The following DDX50 variants were observed in gnomAD, a reference collection of about 807,000 sequenced individuals.
DDX50 encodes the protein DExD-box helicase 50.
Under a neutral mutation model 94.8 loss-of-function variants are expected in DDX50, and 56 were observed. That is an observed-to-expected ratio of 0.59 (90% CI 0.48 to 0.74). DDX50 has a LOEUF of 0.74. DDX50 is among the 30% of genes least tolerant of loss of function. The pLI, the probability that DDX50 is intolerant of heterozygous loss-of-function variation, is 0.00. For synonymous variants in DDX50, 264 were observed against 295.4 expected, an observed-to-expected ratio of 0.89 and a Z score of 1.09; for missense variants, 713 against 881.2, an observed-to-expected ratio of 0.81 and a Z score of 2.42.
chr10:68,945,164 T>A (rs1564620356), intron 14 of DDX50, among the ~76,000 whole-genome samples: 1 of 152,234 alleles, frequency 6.6e-6, no homozygotes, highest in Non-Finnish European at 1.5e-5. Flanking sequence ...TAAATGTGAT[T>A]GCTTGGCCAA....
intron 8 of DDX50, among the ~76,000 whole-genome samples, chr10:68,933,016 A>G (rs1222746474): frequency 1.3e-5 from 2 of 152,042 alleles, no homozygotes; most frequent in Non-Finnish European, 2.9e-5. Flanking sequence ...TGAGGCATCC[A>G]GAGATACAAG....
rs995119368 is a variant in DDX50 at position 68,913,151 on chromosome 10, C to G, written c.640-11C>G. The G allele has an allele frequency of 6.3e-7, 1 of 1,584,302 alleles. No homozygotes were observed. The highest frequency in any genetic ancestry group is 8.5e-7 in the Non-Finnish European group (1 of 1,171,018). The stretch of plus-strand genomic sequence containing the variant: ...AAAAGTATCTTTTTGTTTTTTAAAC[C>G]TCTTGCTCAGGTACTTGTTTTGGCT... On this transcript the variant is annotated splice_polypyrimidine_tract_variant and intron_variant, in intron 4 of 14. Transcript: ENST00000373585.
At chr10:68,925,754 C>T (rs1364603629) in intron 8 of DDX50, among the ~76,000 whole-genome samples, 1 of 152,102 alleles carries the variant, frequency 6.6e-6, no homozygotes, top group Non-Finnish European at 1.5e-5. Context: ...TGGCTCACGC[C>T]TGTAATCCTA....
rs540186957 is a variant in DDX50, at chr10:68,909,146, A to AT, written c.385-1153dup. Reference sequence around the variant, plus strand: ...TGGCCGACAGTGTATTATTTTTATAATTTTTTTTATCATAAAAAGGTAACA... The same window carrying AT: ...TGGCCGACAGTGTATTATTTTTATAATTTTTTTTTATCATAAAAAGGTAACA... On this transcript the variant is annotated intron_variant, in intron 2 of 14. Coordinates refer to ENST00000373585, the MANE Select transcript of DDX50 (RefSeq NM_024045.2). 5.7e-4 allele frequency among the ~76,000 whole-genome samples: 86 copies of AT among 151,988 alleles called. No homozygotes were observed. The East Asian group carries it at 0.014, about 24-fold the overall frequency.
intron 8 of DDX50, among the ~76,000 whole-genome samples, chr10:68,923,835 T>C (rs1842005742): frequency 6.6e-6 from 1 of 151,472 alleles, no homozygotes; most frequent in Admixed American, 6.6e-5. Flanking sequence ...TGAGCCACCA[T>C]ACCCGGCCAT....
intron 12 of DDX50, among the ~76,000 whole-genome samples, chr10:68,940,640 A>AGTCCTGGGCTCAAGTGACC (rs1378090736): frequency 6.6e-6 from 1 of 151,036 alleles, no homozygotes; most frequent in Admixed American, 6.6e-5. Flanking sequence ...CTGGTCTCAA[A>AGTCCTGGGCTCAAGTGACC]CTCCTGGGCT....
At chr10:68,927,327 T>A (rs1842118983) in intron 8 of DDX50, among the ~76,000 whole-genome samples, 1 of 152,250 alleles carries the variant, frequency 6.6e-6, no homozygotes, top group Non-Finnish European at 1.5e-5. Context: ...TAACTTGGGT[T>A]ATATGATAAC....
chr10:68,927,369 T>C (rs901857789), intron 8 of DDX50, among the ~76,000 whole-genome samples: 13 of 152,234 alleles, frequency 8.5e-5, no homozygotes, highest in Non-Finnish European at 7.3e-5. Flanking sequence ...TTGGCTAACC[T>C]TTCCCAGTTT....
In DDX50 at chr10:68,913,445, A is replaced by G. The variant is rs1841692216; in HGVS notation, c.812A>G (p.Lys271Arg). 1 of 1,614,074 alleles carries G rather than the reference A, an allele frequency of 6.2e-7. No individual in the cohort carries two copies. The highest frequency in any genetic ancestry group is 8.5e-7 in the Non-Finnish European group (1 of 1,180,030). The change falls in exon 6 of 15, where the codon AAA (lysine) becomes AGA (arginine). Residue 271 changes from lysine (K) to arginine (R), a missense_variant. Physicochemically the swap from Lys to Arg is conservative, Grantham distance 26 (BLOSUM62 2). Transcript: ENST00000373585. ...DILVGTPGRI[K>R]DHLQSGRLDL... The stretch of plus-strand genomic sequence containing the variant: ...TTGGTTGGAACACCTGGTCGTATCA[A>G]AGACCATCTGCAGAGTGGCCGATTG...
intron 8 of DDX50, among the ~76,000 whole-genome samples, chr10:68,932,556 G>A (rs1842300501): frequency 6.6e-6 from 1 of 152,120 alleles, no homozygotes. Context: ...CACTGAGCCT[G>A]GCCTGATCAT....
chr10:68,922,245 G>T (rs1464877067), intron 8 of DDX50, among the ~76,000 whole-genome samples: 1 of 151,898 alleles, frequency 6.6e-6, no homozygotes, highest in Non-Finnish European at 1.5e-5. Flanking sequence ...GAGTGCAGTG[G>T]CTATTCACAG....
Position 68,941,097 on chromosome 10 carries a change from T to C in DDX50, c.1793T>C (p.Ile598Thr). ...ATGACTCTGGAAAGCCTAGAGGAAA[T>C]ACAGGATGTCAGCTGTGCTTGGAAA... ...VTMTLESLEE[I>T]QDVSCAWKEL... The change falls in exon 13 of 15, where the codon ATA becomes ACA. Residue 598 changes from isoleucine (I) to threonine (T), a missense_variant. Ile to Thr is a moderately conservative substitution (Grantham distance 89, BLOSUM62 -1). Transcript: ENST00000373585. 1 of 1,612,264 alleles carries C rather than the reference T, an allele frequency of 6.2e-7. No homozygotes were observed. Among genetic ancestry groups the C allele is most frequent in the Non-Finnish European group, 8.5e-7 (1 of 1,179,908 alleles).
chr10:68,941,801 A>C (rs1415632546), intron 13 of DDX50, among the ~76,000 whole-genome samples: 1 of 151,908 alleles, frequency 6.6e-6, no homozygotes, highest in African/African-American at 2.4e-5. Context: ...CACTATGCCC[A>C]GCTAATTTTT....
chr10:68,914,834 C>T (rs1841734822), intron 7 of DDX50, among the ~76,000 whole-genome samples: 1 of 150,720 alleles, frequency 6.6e-6, no homozygotes, highest in South Asian at 2.1e-4. Context: ...CCAGCCTGGC[C>T]AATATGGTGA....
Position 68,946,681 on chromosome 10 carries a change from A to C in DDX50, c.*51A>C. 1 of 1,567,294 alleles carries C rather than the reference A, an allele frequency of 6.4e-7. No individual in the cohort carries two copies. The highest frequency in any genetic ancestry group is 1.3e-5 in the African/African-American group (1 of 74,136). ...TGAGCTTGCCTATTTCTGCCTAATCATGTACATTATCCACCAAAAATTAGG... is the reference window on the plus strand; with the variant it reads ...TGAGCTTGCCTATTTCTGCCTAATCCTGTACATTATCCACCAAAAATTAGG... On this transcript the variant is annotated 3_prime_UTR_variant, in exon 15 of 15. Coordinates refer to ENST00000373585, the MANE Select transcript of DDX50 (RefSeq NM_024045.2).
rs183475350 is a variant in DDX50, at chr10:68,935,431, T to G, written c.1521+513T>G. Among the ~76,000 whole-genome samples the G allele has an allele frequency of 2.1e-3, 313 of 152,326 alleles. 3 individuals carry two copies. The highest frequency in any genetic ancestry group is 0.013 in the East Asian group (65 of 5,186). ...TTAAACATCTGTTTTGTTTTGTTTTTTTTTCAAATCAGGCTTGTTTTACAA... is the reference window on the plus strand; with the variant it reads ...TTAAACATCTGTTTTGTTTTGTTTTGTTTTCAAATCAGGCTTGTTTTACAA... On this transcript the variant is annotated intron_variant, in intron 10 of 14. Transcript: ENST00000373585.
intron 11 of DDX50, among the ~76,000 whole-genome samples, chr10:68,936,593 C>T (rs1444315807): frequency 1.5e-5 from 2 of 137,592 alleles, no homozygotes; most frequent in Admixed American, 1.5e-4. Flanking sequence ...AATTCCAGCA[C>T]TTCGGGAGGC....
chr10:68,938,818 T>C (rs898690245), intron 12 of DDX50, among the ~76,000 whole-genome samples: 8 of 152,258 alleles, frequency 5.3e-5, no homozygotes, highest in Non-Finnish European at 1.2e-4. Flanking sequence ...AAGTTTTACA[T>C]GTTACATTTG....
chr10:68,914,248 ATTT>A, intron 7 of DDX50, 44 bp downstream of exon 7: 1 of 1,596,516 alleles, frequency 6.3e-7, no homozygotes, highest in South Asian at 1.2e-5. Context: ...TTTAGTTGGT[ATTT>A]ACTTTTGACA....
Sources: gnomAD v4.1 joint callset for allele counts (sites outside exome capture counted in the v4.1 genomes callset) on GRCh38, gnomAD v4.1.1 for gene constraint, MANE v1.5 for transcripts, NCBI Gene and HGNC (gene_info 2026-07-23, HGNC 2026-07-21) for gene names.